CTTNBP2NL: variants seen among roughly 807,000 people sequenced by gnomAD.
CTTNBP2NL encodes CTTNBP2 N-terminal like.
Under a neutral mutation model 32.5 loss-of-function variants are expected in CTTNBP2NL, and 16 were observed. The observed-to-expected ratio is 0.49, with a 90% CI of 0.33 to 0.75. The LOEUF (loss-of-function observed/expected upper bound fraction) is 0.75, where lower values mean the gene tolerates loss of function less well. Ranked by LOEUF, CTTNBP2NL falls within the 30% of genes least tolerant of loss-of-function variation. The pLI is 0.02. For synonymous variants in CTTNBP2NL, 298 were observed against 289.4 expected (o/e 1.03, Z -0.30); for missense variants, 645 against 756.0 (o/e 0.85, Z 1.72).
chr1:112,394,399 G>A (rs1389649225), upstream of CTTNBP2NL, among the ~76,000 whole-genome samples: 1 of 152,086 alleles, frequency 6.6e-6, no homozygotes, highest in Non-Finnish European at 1.5e-5. Context: ...GATTTTTCAA[G>A]TTCCTTTGCC....
intron 3 of CTTNBP2NL, among the ~76,000 whole-genome samples, chr1:112,436,796 C>G (rs1418240244): frequency 6.6e-6 from 1 of 152,098 alleles, no homozygotes; most frequent in Non-Finnish European, 1.5e-5. Context: ...CTGGTCTTCT[C>G]CCTCATCCCA....
chr1:112,392,802 G>C (rs115007352), upstream of CTTNBP2NL, among the ~76,000 whole-genome samples: 176 of 152,210 alleles, frequency 1.2e-3, no homozygotes, highest in African/African-American at 4.0e-3. Context: ...ATGGGATGGA[G>C]CATCTCTCAG....
chr1:112,407,945 C>T (rs1261075041), intron 1 of CTTNBP2NL, among the ~76,000 whole-genome samples: 3 of 148,076 alleles, frequency 2.0e-5, no homozygotes, highest in Admixed American at 6.9e-5. Flanking sequence ...CCCGGGCTCA[C>T]GCAATTCTCC....
chr1:112,414,526 CTTTT>C (rs918266394), intron 2 of CTTNBP2NL, among the ~76,000 whole-genome samples: 2 of 152,154 alleles, frequency 1.3e-5, no homozygotes, highest in Admixed American at 6.5e-5. Flanking sequence ...GGAATCAATT[CTTTT>C]TTTGTGTGCC....
intron 5 of CTTNBP2NL, 143 bp from the exon 6 acceptor site, chr1:112,455,788 T>C (rs1650342885): frequency 1.6e-6 from 1 of 617,380 alleles, no homozygotes; most frequent in Non-Finnish European, 2.8e-6. Context: ...GCATTTTTTG[T>C]GTTAGGTGTT....
At chr1:112,420,621 A>G (rs1012148951) in intron 3 of CTTNBP2NL, among the ~76,000 whole-genome samples, 2 of 151,958 alleles carry the variant, frequency 1.3e-5, no homozygotes, top group Non-Finnish European at 2.9e-5. Flanking sequence ...GGGGCATGCC[A>G]CTATACCTGG....
intron 1 of CTTNBP2NL, among the ~76,000 whole-genome samples, chr1:112,400,651 G>A (rs1365354059): frequency 6.6e-6 from 1 of 152,150 alleles, no homozygotes; most frequent in Non-Finnish European, 1.5e-5. Flanking sequence ...AATTAACAGG[G>A]TGTGGTGGCA....
At chr1:112,436,699 G>T (rs568550935) in intron 3 of CTTNBP2NL, among the ~76,000 whole-genome samples, 90 of 151,752 alleles carry the variant, frequency 5.9e-4, no homozygotes, top group African/African-American at 1.9e-3. Flanking sequence ...GGGTACATAT[G>T]CAGGTTTATT....
chr1:112,410,481 A>G (rs1231436097), intron 1 of CTTNBP2NL, among the ~76,000 whole-genome samples: 2 of 151,700 alleles, frequency 1.3e-5, no homozygotes, highest in Non-Finnish European at 2.9e-5. Context: ...AAATATCTTT[A>G]TCTTTTTTAT....
intron 3 of CTTNBP2NL, among the ~76,000 whole-genome samples, chr1:112,435,329 A>T (rs901035050): frequency 6.6e-5 from 10 of 151,824 alleles, no homozygotes; most frequent in African/African-American, 2.2e-4. Context: ...TATTATTATT[A>T]TTTTTTTCAC....
At chr1:112,414,982 GTTTGA>G (rs539792495) in intron 2 of CTTNBP2NL, 1 of 152,390 alleles carries the variant, frequency 6.6e-6, no homozygotes, top group Admixed American at 6.5e-5. Context: ...GAGCCCAGGA[GTTTGA>G]GTCCAGTCTG....
chr1:112,428,557 A>C (rs1171332617), intron 3 of CTTNBP2NL, among the ~76,000 whole-genome samples: 2 of 152,170 alleles, frequency 1.3e-5, no homozygotes, highest in Admixed American at 6.5e-5. Context: ...GGGAAGAAAA[A>C]AGAAGACTTG....
In CTTNBP2NL at chr1:112,448,962, C is replaced by G. The variant is rs1307788645; in HGVS notation, c.120C>G (p.Phe40Leu). The G allele has an allele frequency of 4.4e-6, 7 of 1,608,534 alleles. No individual in the cohort carries two copies. Among genetic ancestry groups the G allele is most frequent in the Non-Finnish European group, 6.0e-6 (7 of 1,175,244 alleles). ...EALKAQHRDTFIEERYGKYNI... is the reference protein window; with the variant it reads ...EALKAQHRDTLIEERYGKYNI... The stretch of plus-strand genomic sequence containing the variant: ...CCCAGGCCCAACACAGAGATACTTT[C>G]ATTGAAGAACGCTATGGAAAATATA... The change falls in exon 4 of 6, where the codon TTC becomes TTG. Residue 40 changes from phenylalanine (F) to leucine (L), a missense_variant. Transcript: ENST00000271277.
At chr1:112,445,811 G>A (rs115144695) in intron 3 of CTTNBP2NL, among the ~76,000 whole-genome samples, 1 of 152,256 alleles carries the variant, frequency 6.6e-6, no homozygotes, top group East Asian at 1.9e-4. Flanking sequence ...GGTAATCACA[G>A]TGTGGGTTTT....
intron 1 of CTTNBP2NL, among the ~76,000 whole-genome samples, chr1:112,399,115 C>T (rs1214384786): frequency 6.6e-6 from 1 of 151,448 alleles, no homozygotes; most frequent in South Asian, 2.1e-4. Flanking sequence ...GTCAGGAGTT[C>T]GAGACCAGCC....
Position 112,459,243 on chromosome 1 carries a change from A to G in CTTNBP2NL, c.*1831A>G, listed in dbSNP as rs1419005905. ...GCGGACAAAAGCCTCCAAACTTTCC[A>G]ACTGTGTAGGCCAGTACAGCTGGCA... On this transcript the variant is annotated 3_prime_UTR_variant, in exon 6 of 6. Transcript: ENST00000271277. 1 of 152,152 alleles carries G rather than the reference A, an allele frequency of 6.6e-6. No individual in the cohort carries two copies. The highest frequency in any genetic ancestry group is 1.5e-5 in the Non-Finnish European group (1 of 68,038). 9.4% of individuals were successfully genotyped at this position (152,152 alleles called of 1,614,324 possible). A position where few individuals can be genotyped will look rare whatever the true frequency, so the allele number is the denominator to read the frequency against.
intron 1 of CTTNBP2NL, among the ~76,000 whole-genome samples, chr1:112,407,840 C>CT (rs869134559): frequency 0.034 from 3,295 of 95,836 alleles, 227 homozygotes; most frequent in Middle Eastern, 0.069. Flanking sequence ...TTTTTTCTTT[C>CT]TTTTTTTTTT....
chr1:112,457,264 C>G lies in CTTNBP2NL; in HGVS notation c.1772C>G (p.Pro591Arg). The G allele has an allele frequency of 6.2e-7, 1 of 1,614,196 alleles. No homozygotes were observed. Reference sequence around the variant, plus strand: ...CCACCCAAGAAACCTGGCCTCACCCCTTCTCCATCTGCTACCACTCCATTG... The same window carrying G: ...CCACCCAAGAAACCTGGCCTCACCCGTTCTCCATCTGCTACCACTCCATTG... ...PIPPKKPGLT[P>R]SPSATTPLTK... Residue 591 changes from proline to arginine, a missense_variant, in exon 6 of 6, where the codon CCT (proline) becomes CGT (arginine). Coordinates refer to ENST00000271277, the MANE Select transcript of CTTNBP2NL (RefSeq NM_018704.3).
At position 112,456,992 on chromosome 1, in the gene CTTNBP2NL, G is replaced by C; in HGVS notation, c.1500G>C (p.Leu500=). The C allele has an allele frequency of 6.2e-7, 1 of 1,614,060 alleles. No individual in the cohort carries two copies. The highest frequency in any genetic ancestry group is 1.1e-5 in the South Asian group (1 of 91,078). ...TAGACAACTCTGCCGCCAAGCAGCT[G>C]GCCCGAAACACAGTCACTCAGGTGC... ...TLIDNSAAKQ[L]ARNTVTQVLS... Residue 500 remains leucine, a synonymous_variant, in exon 6 of 6, where the codon CTG becomes CTC. Coordinates refer to ENST00000271277, the MANE Select transcript of CTTNBP2NL (RefSeq NM_018704.3).
Sources: gnomAD v4.1 joint callset for allele counts (sites outside exome capture counted in the v4.1 genomes callset) on GRCh38, gnomAD v4.1.1 for gene constraint, MANE v1.5 for transcripts, NCBI Gene and HGNC (gene_info 2026-07-23, HGNC 2026-07-21) for gene names.